Variants in GREB1 observed in about 807,000 individuals in gnomAD.
GREB1 encodes growth regulating estrogen receptor binding 1, also known as protein GREB1.
GREB1 carries 106 observed loss-of-function variants against 200.7 expected under a neutral mutation model. The ratio of observed to expected loss-of-function variants is 0.53; its 90% CI spans 0.45 to 0.62. GREB1 has a LOEUF of 0.62. Ranked by LOEUF, GREB1 falls within the 20% of genes least tolerant of loss-of-function variation. The pLI is 0.00. For missense variants in GREB1, 2,243 were observed against 2,556.8 expected (o/e 0.88, Z 2.65); for synonymous variants, 1,132 against 1,092.4 (o/e 1.04, Z -0.72).
At chr2:11,500,620 T>C (rs545963654) in intron 1 of GREB1, among the ~76,000 whole-genome samples, 120 of 152,360 alleles carry the variant, frequency 7.9e-4, no homozygotes, top group Non-Finnish European at 1.3e-3. Flanking sequence ...AGTATTCTTA[T>C]TGCAGCAACA....
At chr2:11,533,364 A>T (rs1324608946), upstream of GREB1, among the ~76,000 whole-genome samples, 1 of 152,214 alleles carries the variant, frequency 6.6e-6, no homozygotes, top group Admixed American at 6.5e-5. Context: ...ACATTATCTC[A>T]TTTAATCCTC....
chr2:11,620,687 G>A (rs984640645), intron 22 of GREB1, among the ~76,000 whole-genome samples: 2 of 152,150 alleles, frequency 1.3e-5, no homozygotes. Flanking sequence ...ATGCGTGTGC[G>A]ACGATATTTA....
In GREB1 at chr2:11,486,038, A is replaced by G. The variant is rs78333473; in HGVS notation, c.-159+3657A>G. ...GGCTGGTGACAGGAACTTGCTTTCAATAATCTCACCTTTCTCCTTTTAGCA... is the reference window on the plus strand; with the variant it reads ...GGCTGGTGACAGGAACTTGCTTTCAGTAATCTCACCTTTCTCCTTTTAGCA... On this transcript the variant is annotated intron_variant, in intron 1 of 2. Transcript: ENST00000628795. Among the ~76,000 whole-genome samples, 1,325 of 152,308 alleles carry G rather than the reference A, an allele frequency of 8.7e-3. 23 individuals are homozygous for G. The highest frequency in any genetic ancestry group is 0.03 in the African/African-American group (1,237 of 41,550).
intron 1 of GREB1, among the ~76,000 whole-genome samples, chr2:11,509,039 TA>T (rs1673270919): frequency 6.6e-6 from 1 of 151,832 alleles, no homozygotes; most frequent in Non-Finnish European, 1.5e-5. Context: ...CACGCCCGGC[TA>T]ATTTTTTTGT....
At chr2:11,522,530 G>A (rs1480743572) in intron 1 of GREB1, among the ~76,000 whole-genome samples, 1 of 152,120 alleles carries the variant, frequency 6.6e-6, no homozygotes, top group African/African-American at 2.4e-5. Context: ...CTCGCAGCAG[G>A]AACCTACAAA....
At chr2:11,573,207 C>T (rs1319255877) in intron 4 of GREB1, among the ~76,000 whole-genome samples, 2 of 152,170 alleles carry the variant, frequency 1.3e-5, no homozygotes, top group Admixed American at 1.3e-4. Context: ...GAGAGGCTTC[C>T]TCAGTGGCCA....
chr2:11,569,497 G>A (rs748664727), intron 4 of GREB1, among the ~76,000 whole-genome samples: 24 of 152,208 alleles, frequency 1.6e-4, no homozygotes, highest in Non-Finnish European at 3.2e-4. Context: ...GGGAATGGGA[G>A]GATGTGGTAT....
intron 1 of GREB1, among the ~76,000 whole-genome samples, chr2:11,543,335 C>G (rs527326686): frequency 6.6e-6 from 1 of 152,302 alleles, no homozygotes. Context: ...TAGTTAACAT[C>G]TAGAAATTAG....
In GREB1 at chr2:11,597,116, G is replaced by A. The variant is rs139685104; in HGVS notation, c.1955-665G>A. ...GGGGACAGAGGGCTCATGTGTGCTCGGTGGGCGATGAGAGGGCACTGGCGA... is the reference window on the plus strand; with the variant it reads ...GGGGACAGAGGGCTCATGTGTGCTCAGTGGGCGATGAGAGGGCACTGGCGA... On this transcript the variant is annotated intron_variant, in intron 13 of 32. Transcript: ENST00000381486. The surrounding 1 kb of genome is among the most constrained non-coding windows in gnomAD (Gnocchi z 4.1). Among the ~76,000 whole-genome samples the A allele has an allele frequency of 4.6e-5, 7 of 152,114 alleles. No homozygotes were observed. The highest frequency in any genetic ancestry group is 8.8e-5 in the Non-Finnish European group (6 of 67,956).
At chr2:11,595,831 C>G (rs1681157497) in intron 12 of GREB1, among the ~76,000 whole-genome samples, 1 of 152,144 alleles carries the variant, frequency 6.6e-6, no homozygotes, top group Non-Finnish European at 1.5e-5. Context: ...GCTTCTCAGA[C>G]CCTTCGTTTT....
intron 1 of GREB1, among the ~76,000 whole-genome samples, chr2:11,507,902 G>A (rs991409761): frequency 1.2e-4 from 18 of 152,284 alleles, no homozygotes; most frequent in African/African-American, 4.1e-4. Flanking sequence ...TTTTAACTGA[G>A]GATTCTGGAC....
At chr2:11,567,881 C>A (rs1677839005) in intron 4 of GREB1, among the ~76,000 whole-genome samples, 1 of 152,184 alleles carries the variant, frequency 6.6e-6, no homozygotes, top group Non-Finnish European at 1.5e-5. Context: ...CTGTGTATCC[C>A]CCTGGGCTTC....
chr2:11,513,457 C>T (rs567872888), intron 1 of GREB1, among the ~76,000 whole-genome samples: 6 of 152,320 alleles, frequency 3.9e-5, no homozygotes, highest in African/African-American at 1.4e-4. Context: ...ATTAGATTCT[C>T]TTAGTCTAGC....
chr2:11,511,836 C>T (rs10201673), intron 1 of GREB1, among the ~76,000 whole-genome samples: 141,909 of 152,104 alleles, frequency 0.93, 66,928 homozygotes, highest in South Asian at 1. Flanking sequence ...GCCTCTAGAG[C>T]TGATGTGGGG....
At chr2:11,486,311 A>T (rs1331907032) in intron 1 of GREB1, among the ~76,000 whole-genome samples, 2 of 152,156 alleles carry the variant, frequency 1.3e-5, no homozygotes, top group Non-Finnish European at 2.9e-5. Context: ...ACTTTTAAAA[A>T]AAATTTAGTT....
intron 1 of GREB1, among the ~76,000 whole-genome samples, chr2:11,500,932 A>G (rs1673021034): frequency 6.6e-6 from 1 of 152,172 alleles, no homozygotes. Flanking sequence ...GTTAAATGAG[A>G]TATGAGAAAG....
At chr2:11,531,436 CA>C (rs1471915953), upstream of GREB1, among the ~76,000 whole-genome samples, 1 of 151,306 alleles carries the variant, frequency 6.6e-6, no homozygotes, top group Non-Finnish European at 1.5e-5. Flanking sequence ...TAATTTACCC[CA>C]AAAAAGCTGT....
upstream of GREB1, among the ~76,000 whole-genome samples, chr2:11,529,610 A>AG (rs1455530464): frequency 2.0e-5 from 3 of 152,206 alleles, no homozygotes; most frequent in Non-Finnish European, 4.4e-5. Context: ...TGTGTGTAAC[A>AG]GGAGACAAAT....
At chr2:11,520,708 T>C (rs1673674230) in intron 1 of GREB1, among the ~76,000 whole-genome samples, 1 of 152,164 alleles carries the variant, frequency 6.6e-6, no homozygotes, top group Non-Finnish European at 1.5e-5. Flanking sequence ...TAGATTGTGC[T>C]CCCCAGGTAG....
Sources: allele counts gnomAD v4.1 joint callset (sites outside exome capture counted in the v4.1 genomes callset), GRCh38; gene constraint gnomAD v4.1.1; non-coding constraint Gnocchi (gnomAD v3.1); transcripts MANE v1.5; gene names NCBI Gene and HGNC (gene_info 2026-07-23, HGNC 2026-07-21).